Variants in MFSD2B observed in about 807,000 individuals in gnomAD.
MFSD2B encodes sphingosine-1-phosphate transporter MFSD2B.
Under a neutral mutation model 58.4 loss-of-function variants are expected in MFSD2B, and 56 were observed. That is an observed-to-expected ratio of 0.96 (90% CI 0.77 to 1.20). The LOEUF is 1.20. Ranked by LOEUF, MFSD2B falls within the 50% of genes most tolerant of loss-of-function variation. The pLI, the probability that MFSD2B is intolerant of heterozygous loss-of-function variation, is 0.00. For missense variants in MFSD2B, 645 were observed against 667.6 expected (o/e 0.97, Z 0.37); for synonymous variants, 287 against 294.4 (o/e 0.97, Z 0.26).
Position 24,021,794 on chromosome 2 carries a change from G to C in MFSD2B, c.773-55G>C. 1 of 1,612,870 alleles carries C rather than the reference G, an allele frequency of 6.2e-7. No homozygotes were observed. Among genetic ancestry groups the C allele is most frequent in the Non-Finnish European group, 8.5e-7 (1 of 1,179,220 alleles). ...GCTGGGGGCAGGGCTCTGCTTGGGG[G>C]CAGGTTTTGCTTTTGAACTCTGCGA... is the stretch of plus-strand genomic sequence containing the variant. On this transcript the variant is annotated intron_variant, in intron 7 of 13. Coordinates refer to ENST00000338315, the MANE Select transcript of MFSD2B (RefSeq NM_001346880.2). The surrounding 1 kb of genome is among the most constrained non-coding windows in gnomAD (Gnocchi z 5.7).
In MFSD2B at chr2:24,024,958, T is replaced by TG. The variant is rs1192034998; in HGVS notation, c.1491-474_1491-473insG. On this transcript the variant is annotated intron_variant, in intron 13 of 13. Transcript: ENST00000338315. This position sits in a 1 kb window ranked among gnomAD's most constrained non-coding sequence, Gnocchi z 4.3. ...GAACCTTGAAGGCTGAGGCTGGCTG[T>TG]TTTATTCCTTTTTGTATCCCAAGAG... Among the ~76,000 whole-genome samples, 3 of 152,084 alleles carry TG rather than the reference T, an allele frequency of 2.0e-5. No homozygotes were observed. The highest frequency in any genetic ancestry group is 4.4e-5 in the Non-Finnish European group (3 of 68,010).
In MFSD2B at chr2:24,024,249, T is replaced by A. The variant is rs574859401; in HGVS notation, c.1468T>A (p.Ser490Thr). Reference sequence around the variant, plus strand: ...TCCAAAGACACCCAGTCGGGACGCCTCCAGCCGGCTGAGCCTTCGGAGGTA... The same window carrying A: ...TCCAAAGACACCCAGTCGGGACGCCACCAGCCGGCTGAGCCTTCGGAGGTA... ...STPKTPSRDA[S>T]SRLSLRRRTS... Residue 490 changes from serine (S) to threonine (T), a missense_variant, in exon 13 of 14, where the codon TCC becomes ACC. Physicochemically the swap from Ser to Thr is moderately conservative, Grantham distance 58 (BLOSUM62 1). Transcript: ENST00000338315. The surrounding 1 kb of genome is among the most constrained non-coding windows in gnomAD (Gnocchi z 4.3). 3.1e-6 allele frequency: 5 copies of A among 1,608,690 alleles called. No individual in the cohort carries two copies. The East Asian group carries it at 9.0e-5, about 29-fold the overall frequency.
At position 24,017,727 on chromosome 2, in the gene MFSD2B, G is replaced by A. The variant is rs537330336; in HGVS notation, c.681+139G>A. 3.2e-6 allele frequency: 3 copies of A among 930,182 alleles called. No homozygotes were observed. The highest frequency in any genetic ancestry group is 4.7e-6 in the Non-Finnish European group (3 of 634,396). 57.6% of individuals were successfully genotyped at this position (930,182 alleles called of 1,614,324 possible). A position where few individuals can be genotyped will look rare whatever the true frequency, so the allele number is the denominator to read the frequency against. On this transcript the variant is annotated intron_variant, in intron 6 of 13. Coordinates refer to ENST00000338315, the MANE Select transcript of MFSD2B (RefSeq NM_001346880.2). This position sits in a 1 kb window ranked among gnomAD's most constrained non-coding sequence, Gnocchi z 4.8. ...CACTGTGCCCCCTCATTCCTTCCCT[G>A]CTCCTCCAGTTGAGCAGATGGCCCC...
Position 24,020,562 on chromosome 2 carries a change from G to T in MFSD2B, c.682-1086G>T, listed in dbSNP as rs572871848. Reference sequence around the variant, plus strand: ...TCTGAATGACAAGTAGCACTGTCCTGCTTCCTATATATACAGAGGCAGGGT... The same window carrying T: ...TCTGAATGACAAGTAGCACTGTCCTTCTTCCTATATATACAGAGGCAGGGT... On this transcript the variant is annotated intron_variant, in intron 6 of 13. Transcript: ENST00000338315. This position sits in a 1 kb window ranked among gnomAD's most constrained non-coding sequence, Gnocchi z 4.1. Among the ~76,000 whole-genome samples, 1 of 152,214 alleles carries T rather than the reference G, an allele frequency of 6.6e-6. No homozygotes were observed. The highest frequency in any genetic ancestry group is 2.1e-4 in the South Asian group (1 of 4,826).
intron 1 of MFSD2B, among the ~76,000 whole-genome samples, chr2:24,010,901 C>G (rs1450789642): frequency 6.6e-6 from 1 of 152,182 alleles, no homozygotes; most frequent in Non-Finnish European, 1.5e-5. Context: ...CACCTGGGAG[C>G]ACAGGATTGC....
chr2:24,010,854 A>T (rs992551617), intron 1 of MFSD2B, among the ~76,000 whole-genome samples: 5 of 151,956 alleles, frequency 3.3e-5, no homozygotes, highest in Admixed American at 3.3e-4. Flanking sequence ...TCCCCTGACC[A>T]CCTCAGCCCC....
chr2:24,024,360 T>G lies in MFSD2B; in HGVS notation c.1490+89T>G. The G allele has an allele frequency of 7.5e-7, 1 of 1,338,276 alleles. No homozygotes were observed. The highest frequency in any genetic ancestry group is 1.0e-6 in the Non-Finnish European group (1 of 979,176). 82.9% of individuals were successfully genotyped at this position (1,338,276 alleles called of 1,614,324 possible). A position where few individuals can be genotyped will look rare whatever the true frequency, so the allele number is the denominator to read the frequency against. On this transcript the variant is annotated intron_variant, in intron 13 of 13. Transcript: ENST00000338315. The surrounding 1 kb of genome is among the most constrained non-coding windows in gnomAD (Gnocchi z 4.3). ...CACCAGCCTGCAGACATCCCTGCTGTGTCACACAGTCCTGCCTCTGGGACC... is the reference window on the plus strand; with the variant it reads ...CACCAGCCTGCAGACATCCCTGCTGGGTCACACAGTCCTGCCTCTGGGACC...
chr2:24,021,653 T>C lies in MFSD2B; in HGVS notation c.687T>C (p.His229=), dbSNP rs367681797. 7.4e-6 allele frequency: 12 copies of C among 1,612,486 alleles called. No homozygotes were observed. In the African/African-American group the frequency reaches 1.6e-4, roughly 22 times the overall value. ...AGTCCTGTCCTGTCCCACAGGCCCA[T>C]CTCTACTGCATTGCGGCTGCCGTGG... ...GPVTVSPNAA[H]LYCIAAAVVV... is the part of the protein sequence containing the mutation. Residue 229 remains histidine (H), a synonymous_variant, in exon 7 of 14, where the codon CAT becomes CAC. Coordinates refer to ENST00000338315, the MANE Select transcript of MFSD2B (RefSeq NM_001346880.2). The surrounding 1 kb of genome is among the most constrained non-coding windows in gnomAD (Gnocchi z 5.7).
chr2:24,021,695 C>T lies in MFSD2B; in HGVS notation c.729C>T (p.Pro243=), dbSNP rs1662792969. 4 of 1,613,612 alleles carry T rather than the reference C, an allele frequency of 2.5e-6. No homozygotes were observed. The South Asian group carries it at 3.3e-5, about 13-fold the overall frequency. ...CTGCCGTGGTTGTAGTGACTTACCC[C>T]GTGTGCATCAGTTTACTGTGCCTAG... ...IAAAVVVVTY[P]VCISLLCLGV... Residue 243 remains proline (P), a synonymous_variant, in exon 7 of 14, where the codon CCC becomes CCT. Transcript: ENST00000338315. The surrounding 1 kb of genome is among the most constrained non-coding windows in gnomAD (Gnocchi z 5.7).
chr2:24,010,446 T>C (rs1197257622), intron 1 of MFSD2B, among the ~76,000 whole-genome samples: 2 of 152,226 alleles, frequency 1.3e-5, no homozygotes, highest in East Asian at 1.9e-4. Context: ...ATTGCTGTCC[T>C]GATTCCCGGC....
At position 24,022,483 on chromosome 2, in the gene MFSD2B, C is replaced by T. The variant is rs371432365; in HGVS notation, c.945C>T (p.His315=). The T allele has an allele frequency of 4.8e-5, 77 of 1,613,304 alleles. No individual in the cohort carries two copies. Among genetic ancestry groups the T allele is most frequent in the African/African-American group, 3.2e-4 (24 of 75,028 alleles). ...TCTGTACACATGCCTCCCAGCTACA[C>T]GACCACGTCCAGGGCCTGGTACTAA... ...VLFCTHASQL[H]DHVQGLVLTV... is the part of the protein sequence containing the mutation. Residue 315 remains histidine (H), a synonymous_variant, in exon 9 of 14, where the codon CAC becomes CAT. Coordinates refer to ENST00000338315, the MANE Select transcript of MFSD2B (RefSeq NM_001346880.2). This position sits in a 1 kb window ranked among gnomAD's most constrained non-coding sequence, Gnocchi z 4.5.
chr2:24,023,106 C>G lies in MFSD2B; in HGVS notation c.1060-24C>G. 6.3e-7 allele frequency: 1 copy of G among 1,589,698 alleles called. No homozygotes were observed. The highest frequency in any genetic ancestry group is 8.6e-7 in the Non-Finnish European group (1 of 1,161,624). ...CCCCACGAAGAAGCAGGTGGCGGGACAGCTGGTGTGTGTGTCTCCCCAGGC... is the reference window on the plus strand; with the variant it reads ...CCCCACGAAGAAGCAGGTGGCGGGAGAGCTGGTGTGTGTGTCTCCCCAGGC... On this transcript the variant is annotated intron_variant, in intron 10 of 13. Coordinates refer to ENST00000338315, the MANE Select transcript of MFSD2B (RefSeq NM_001346880.2). The surrounding 1 kb of genome is among the most constrained non-coding windows in gnomAD (Gnocchi z 5.0).
Position 24,016,102 on chromosome 2 carries a change from G to T in MFSD2B, c.223-54G>T, listed in dbSNP as rs1422366332. The T allele has an allele frequency of 6.8e-6, 11 of 1,607,570 alleles. No individual in the cohort carries two copies. The East Asian group carries it at 2.2e-4, about 33-fold the overall frequency. ...CTTGATGGCAAGCAGGCCTGGATGG[G>T]CTCTCTGCTGCTGCTGGGCCTCAGC... On this transcript the variant is annotated intron_variant, in intron 2 of 13. Transcript: ENST00000338315.
rs1662867966 is a variant in MFSD2B at position 24,023,345 on chromosome 2, G to A, written c.1169+106G>A. 2 of 1,042,646 alleles carry A rather than the reference G, an allele frequency of 1.9e-6. No homozygotes were observed. Among genetic ancestry groups the A allele is most frequent in the Admixed American group, 1.8e-5 (1 of 55,296 alleles). The allele number at this position is 1,042,646 out of a possible 1,614,324, so 64.6% of individuals were successfully genotyped here. ...GCACCCAGCCTGTGCAGGAGATGGA[G>A]GCCACCAGCTCCATCCTCAGAGCCC... On this transcript the variant is annotated intron_variant, in intron 11 of 13. Coordinates refer to ENST00000338315, the MANE Select transcript of MFSD2B (RefSeq NM_001346880.2). This position sits in a 1 kb window ranked among gnomAD's most constrained non-coding sequence, Gnocchi z 5.0.
At position 24,018,891 on chromosome 2, in the gene MFSD2B, C is replaced by T. The variant is rs377505838; in HGVS notation, c.681+1303C>T. 5.0e-4 allele frequency among the ~76,000 whole-genome samples: 67 copies of T among 133,136 alleles called. 1 individual carries two copies. The highest frequency in any genetic ancestry group is 1.3e-3 in the African/African-American group (46 of 35,388). 87.3% of individuals were successfully genotyped at this position (133,136 alleles called of 152,430 possible). A position where few individuals can be genotyped will look rare whatever the true frequency, so the allele number is the denominator to read the frequency against. ...TTTGAGACGGAATCTCGATCTGTTG[C>T]CCAGGCTGGAGTGCAGGGGCGCAAT... On this transcript the variant is annotated intron_variant, in intron 6 of 13. Coordinates refer to ENST00000338315, the MANE Select transcript of MFSD2B (RefSeq NM_001346880.2).
At chr2:24,014,083 G>C (rs1315593099) in intron 2 of MFSD2B, among the ~76,000 whole-genome samples, 2 of 151,828 alleles carry the variant, frequency 1.3e-5, no homozygotes, top group African/African-American at 4.8e-5. Flanking sequence ...CATGATCTCG[G>C]CTCACTGCAA....
At position 24,023,543 on chromosome 2, in the gene MFSD2B, C is replaced by A; in HGVS notation, c.1170-40C>A. The A allele has an allele frequency of 6.3e-7, 1 of 1,590,282 alleles. No individual in the cohort carries two copies. The highest frequency in any genetic ancestry group is 8.6e-7 in the Non-Finnish European group (1 of 1,168,086). On this transcript the variant is annotated intron_variant, in intron 11 of 13. Coordinates refer to ENST00000338315, the MANE Select transcript of MFSD2B (RefSeq NM_001346880.2). This position sits in a 1 kb window ranked among gnomAD's most constrained non-coding sequence, Gnocchi z 5.0. ...CAGAGAATTCACAGGCTGCTGGTGG[C>A]CAAGGGGCTAGGAGGGCTAACTCCA...
intron 3 of MFSD2B, 49 bp downstream of exon 3, chr2:24,016,329 GAGGTCACTGTTTGTCACA>G (rs761497593): frequency 1.3e-6 from 2 of 1,585,834 alleles, no homozygotes; most frequent in Non-Finnish European, 8.6e-7. Flanking sequence ...TCCTGGCCCT[GAGGTCACTGTTTGTCACA>G]GCCCTATTTC....
At position 24,022,829 on chromosome 2, in the gene MFSD2B, C is replaced by G. The variant is rs1289813753; in HGVS notation, c.986C>G (p.Ala329Gly). Reference protein sequence around the residue: ...QGLVLTVLVSAVLSTPLWEWV... With the variant: ...QGLVLTVLVSGVLSTPLWEWV... ...GATGCTGTCTGCTCACAGGTCTCAG[C>G]CGTGCTGAGCACCCCGCTGTGGGAG... Residue 329 changes from alanine (A) to glycine (G), a missense_variant, in exon 10 of 14, where the codon GCC (alanine) becomes GGC (glycine). Physicochemically the swap from Ala to Gly is moderately conservative, Grantham distance 60 (BLOSUM62 0). Coordinates refer to ENST00000338315, the MANE Select transcript of MFSD2B (RefSeq NM_001346880.2). This position sits in a 1 kb window ranked among gnomAD's most constrained non-coding sequence, Gnocchi z 4.5. 1.3e-6 allele frequency: 2 copies of G among 1,596,748 alleles called. No individual in the cohort carries two copies. Among genetic ancestry groups the G allele is most frequent in the East Asian group, 2.2e-5 (1 of 44,766 alleles).
Sources: gnomAD v4.1 joint callset for allele counts (sites outside exome capture counted in the v4.1 genomes callset) on GRCh38, gnomAD v4.1.1 for gene constraint, Gnocchi (gnomAD v3.1) non-coding constraint, MANE v1.5 for transcripts, NCBI Gene and HGNC (gene_info 2026-07-23, HGNC 2026-07-21) for gene names.